The following FOXN3 variants were observed in gnomAD, a reference collection of about 807,000 sequenced individuals.
FOXN3 encodes the protein forkhead box N3.
FOXN3 carries 7 observed loss-of-function variants against 38.4 expected under a neutral mutation model. The observed-to-expected ratio is 0.18, with a 90% CI of 0.10 to 0.34. The LOEUF is 0.34. Ranked by LOEUF, FOXN3 falls within the 10% of genes least tolerant of loss-of-function variation. FOXN3 has a pLI of 1.00. For synonymous variants in FOXN3, 230 were observed against 242.2 expected (o/e 0.95, Z 0.47); for missense variants, 456 against 613.4 (o/e 0.74, Z 2.71).
chr14:89,177,725 C>T (rs981235063), intron 5 of FOXN3, among the ~76,000 whole-genome samples: 55 of 152,146 alleles, frequency 3.6e-4, no homozygotes, highest in African/African-American at 1.3e-3. Context: ...AGCATTCATT[C>T]TCGGAGGTGC....
At chr14:89,329,769 T>A (rs1403404252) in intron 3 of FOXN3, among the ~76,000 whole-genome samples, 1 of 141,666 alleles carries the variant, frequency 7.1e-6, no homozygotes. Flanking sequence ...GGCAGGAGAA[T>A]GCTGTGAACC....
At chr14:89,563,592 T>C (rs1895291170) in intron 1 of FOXN3, among the ~76,000 whole-genome samples, 1 of 152,212 alleles carries the variant, frequency 6.6e-6, no homozygotes, top group Admixed American at 6.5e-5. Context: ...GGGTGATGCA[T>C]GCGAGCCTTG....
chr14:89,323,548 G>A (rs939960387), intron 3 of FOXN3, among the ~76,000 whole-genome samples: 10 of 151,592 alleles, frequency 6.6e-5, no homozygotes, highest in African/African-American at 2.2e-4. Context: ...GTGAAACCCC[G>A]TCTCTACTAA....
chr14:89,219,893 G>A (rs1884409321), intron 4 of FOXN3, among the ~76,000 whole-genome samples: 1 of 152,156 alleles, frequency 6.6e-6, no homozygotes, highest in Admixed American at 6.5e-5. Context: ...AGGTATCATT[G>A]GGCTAGGTTT....
chr14:89,412,602 T>C lies in FOXN3; in HGVS notation c.-14-112A>G, dbSNP rs1293790949. On this transcript the variant is annotated intron_variant, in intron 1 of 5. Coordinates refer to ENST00000557258, the MANE Select transcript of FOXN3 (RefSeq NM_005197.4). The surrounding 1 kb of genome is among the most constrained non-coding windows in gnomAD (Gnocchi z 4.7). ...TCTGCCGCCTCTATGGAACCCCTGCTACACAGGAACACCACCTTGTGACTC... is the reference window on the plus strand; with the variant it reads ...TCTGCCGCCTCTATGGAACCCCTGCCACACAGGAACACCACCTTGTGACTC... 1.3e-6 allele frequency: 1 copy of C among 784,332 alleles called. No homozygotes were observed. Among genetic ancestry groups the C allele is most frequent in the East Asian group, 2.7e-5 (1 of 37,478 alleles). 48.6% of individuals were successfully genotyped at this position (784,332 alleles called of 1,614,324 possible).
At chr14:89,271,134 G>A (rs1351565505) in intron 4 of FOXN3, among the ~76,000 whole-genome samples, 1 of 152,130 alleles carries the variant, frequency 6.6e-6, no homozygotes, top group East Asian at 1.9e-4. Flanking sequence ...GGTTGTCAAG[G>A]GAACCAAACA....
intron 1 of FOXN3, among the ~76,000 whole-genome samples, chr14:89,532,770 C>G (rs1894595783): frequency 6.6e-6 from 1 of 152,116 alleles, no homozygotes; most frequent in Non-Finnish European, 1.5e-5. Context: ...TTTGAATAAT[C>G]GTGCCACTTA....
chr14:89,321,903 C>A (rs1258895382), intron 3 of FOXN3, among the ~76,000 whole-genome samples: 1 of 152,170 alleles, frequency 6.6e-6, no homozygotes. Context: ...CCACTCCAGA[C>A]CCTCAACTGG....
intron 1 of FOXN3, among the ~76,000 whole-genome samples, chr14:89,547,432 G>T (rs1430513773): frequency 6.6e-6 from 1 of 151,392 alleles, no homozygotes; most frequent in Non-Finnish European, 1.5e-5. Context: ...TTGTTTTTTT[G>T]TTTGTTTGTT....
At chr14:89,482,203 T>C (rs1893345282) in intron 1 of FOXN3, among the ~76,000 whole-genome samples, 1 of 152,224 alleles carries the variant, frequency 6.6e-6, no homozygotes, top group Non-Finnish European at 1.5e-5. Flanking sequence ...TGACTCAGTG[T>C]TGCTGAGCAG....
chr14:89,425,548 T>C (rs180982128), intron 1 of FOXN3, among the ~76,000 whole-genome samples: 92 of 147,442 alleles, frequency 6.2e-4, no homozygotes, highest in African/African-American at 2.3e-3. Flanking sequence ...TTTTTTTTAA[T>C]AGACACGGGG....
chr14:89,614,300 C>T (rs761134879), intron 1 of FOXN3, among the ~76,000 whole-genome samples: 6 of 152,126 alleles, frequency 3.9e-5, no homozygotes, highest in Non-Finnish European at 8.8e-5. Flanking sequence ...AAAATTATAA[C>T]CAACTAATCT....
intron 1 of FOXN3, among the ~76,000 whole-genome samples, chr14:89,618,730 T>TA (rs1896539745): frequency 3.3e-5 from 5 of 151,894 alleles, no homozygotes; most frequent in African/African-American, 1.2e-4. Flanking sequence ...CTGCAATTTT[T>TA]TAAAAAAAAT....
intron 4 of FOXN3, among the ~76,000 whole-genome samples, chr14:89,205,653 T>C (rs1888363347): frequency 6.6e-6 from 1 of 152,230 alleles, no homozygotes; most frequent in African/African-American, 2.4e-5. Flanking sequence ...AAGACCACCT[T>C]CTGGCTCCCC....
chr14:89,219,668 T>C (rs1884400945), intron 4 of FOXN3, among the ~76,000 whole-genome samples: 1 of 152,200 alleles, frequency 6.6e-6, no homozygotes. Flanking sequence ...TGTGCCTCAG[T>C]TTCTTCACCT....
At chr14:89,165,395 G>C (rs1398759382) in intron 5 of FOXN3, among the ~76,000 whole-genome samples, 2 of 152,186 alleles carry the variant, frequency 1.3e-5, no homozygotes. Context: ...TTTACTTGTG[G>C]TCCGATTCCT....
intron 2 of FOXN3, among the ~76,000 whole-genome samples, chr14:89,364,951 G>A (rs536389407): frequency 1.3e-4 from 20 of 152,288 alleles, no homozygotes; most frequent in African/African-American, 3.9e-4. Context: ...TTGAATGGAC[G>A]CAGGAAAAAT....
intron 1 of FOXN3, among the ~76,000 whole-genome samples, chr14:89,558,851 G>A (rs923443840): frequency 1.3e-5 from 2 of 152,148 alleles, no homozygotes; most frequent in South Asian, 2.1e-4. Context: ...GGTGGGCCAT[G>A]AGCTGATTGT....
At chr14:89,227,985 C>T (rs1884695356) in intron 4 of FOXN3, among the ~76,000 whole-genome samples, 1 of 152,166 alleles carries the variant, frequency 6.6e-6, no homozygotes, top group Non-Finnish European at 1.5e-5. Context: ...AGCAATCTTC[C>T]CACCTCAGCC....
Sources: allele counts gnomAD v4.1 joint callset (sites outside exome capture counted in the v4.1 genomes callset), GRCh38; gene constraint gnomAD v4.1.1; non-coding constraint Gnocchi (gnomAD v3.1); transcripts MANE v1.5; gene names NCBI Gene and HGNC (gene_info 2026-07-23, HGNC 2026-07-21).